The following DYNC1I1 variants were observed in gnomAD, a reference collection of about 807,000 sequenced individuals.
DYNC1I1 encodes the protein cytoplasmic dynein 1 intermediate chain 1.
In DYNC1I1, 43 loss-of-function variants were observed where a neutral mutation model predicts 86.6. The ratio of observed to expected loss-of-function variants is 0.50; its 90% CI spans 0.39 to 0.64. DYNC1I1 has a LOEUF of 0.64. Ranked by LOEUF, DYNC1I1 falls within the 30% of genes least tolerant of loss-of-function variation. DYNC1I1 has a pLI of 0.00. For synonymous variants in DYNC1I1, 262 were observed against 283.7 expected (o/e 0.92, Z 0.77); for missense variants, 604 against 788.8 (o/e 0.77, Z 2.81).
chr7:95,818,134 G>A (rs899943808), intron 4 of DYNC1I1, among the ~76,000 whole-genome samples: 27 of 151,852 alleles, frequency 1.8e-4, no homozygotes, highest in African/African-American at 6.3e-4. Context: ...AAAATAGTCC[G>A]AAGGGGAGAT....
At chr7:96,108,877 A>G (rs1373908818) in intron 16 of DYNC1I1, among the ~76,000 whole-genome samples, 1 of 151,418 alleles carries the variant, frequency 6.6e-6, no homozygotes, top group African/African-American at 2.4e-5. Context: ...AAAAAAAAAA[A>G]GATTTTTAAG....
chr7:95,833,380 G>A (rs1051107015), intron 5 of DYNC1I1, among the ~76,000 whole-genome samples: 1 of 150,306 alleles, frequency 6.7e-6, no homozygotes, highest in Admixed American at 6.6e-5. Flanking sequence ...TAGCCTTGTA[G>A]TATAGTTTGA....
intron 16 of DYNC1I1, among the ~76,000 whole-genome samples, chr7:96,089,978 C>T (rs1790793236): frequency 6.6e-6 from 1 of 152,054 alleles, no homozygotes; most frequent in Non-Finnish European, 1.5e-5. Context: ...TTGCTTTTTC[C>T]TACCATTTTC....
intron 5 of DYNC1I1, among the ~76,000 whole-genome samples, chr7:95,835,611 C>G (rs890787405): frequency 1.3e-5 from 2 of 151,968 alleles, no homozygotes; most frequent in African/African-American, 4.8e-5. Context: ...GAGTCTAAGT[C>G]TCTTTGTAGG....
rs574678503 is a variant in DYNC1I1, at chr7:95,842,196, C to T, written c.374+14080C>T. Among the ~76,000 whole-genome samples, 10 of 152,214 alleles carry T rather than the reference C, an allele frequency of 6.6e-5. No individual in the cohort carries two copies. The East Asian group carries it at 7.7e-4, about 12-fold the overall frequency. On this transcript the variant is annotated intron_variant, in intron 5 of 16. Coordinates refer to ENST00000447467, the MANE Select transcript of DYNC1I1 (RefSeq NM_001135556.2). ...GTTGCACCCGAGCGAGTTAGGGAAA[C>T]GCCACATTTGAGACAAATTAAGAGT...
chr7:95,929,975 GA>G (rs879702188), intron 6 of DYNC1I1, among the ~76,000 whole-genome samples: 1 of 152,176 alleles, frequency 6.6e-6, no homozygotes, highest in Non-Finnish European at 1.5e-5. Context: ...TGGCTCTTAA[GA>G]AATATTTCCC....
At chr7:95,929,094 G>A (rs1407759913) in intron 6 of DYNC1I1, among the ~76,000 whole-genome samples, 1 of 152,140 alleles carries the variant, frequency 6.6e-6, no homozygotes, top group Non-Finnish European at 1.5e-5. Flanking sequence ...GCATAAAGAT[G>A]AGCATGTTTT....
chr7:95,942,777 G>T (rs1393485922), intron 6 of DYNC1I1, among the ~76,000 whole-genome samples: 1 of 144,894 alleles, frequency 6.9e-6, no homozygotes, highest in Non-Finnish European at 1.5e-5. Flanking sequence ...AAAACCACAT[G>T]ATTATCTCAA....
At chr7:96,108,569 T>C (rs1192462419) in intron 16 of DYNC1I1, among the ~76,000 whole-genome samples, 1 of 152,054 alleles carries the variant, frequency 6.6e-6, no homozygotes, top group Non-Finnish European at 1.5e-5. Flanking sequence ...CTTGGATTTT[T>C]CTCTGGGGTA....
chr7:96,029,544 C>A (rs931750539), intron 11 of DYNC1I1, among the ~76,000 whole-genome samples: 1 of 152,128 alleles, frequency 6.6e-6, no homozygotes, highest in East Asian at 1.9e-4. Flanking sequence ...ATTAACATTT[C>A]TTTTGTGAGT....
chr7:96,100,650 T>TTGTGTGTGTGTGTGTGTGTG (rs57129262), downstream of DYNC1I1, among the ~76,000 whole-genome samples: 6,901 of 142,770 alleles, frequency 0.048, 242 homozygotes, highest in Non-Finnish European at 0.071. Context: ...TTTGAGGGTT[T>TTGTGTGTGTGTGTGTGTGTG]TGTGTGTGTG....
chr7:96,100,161 A>G (rs1791105926), downstream of DYNC1I1, among the ~76,000 whole-genome samples: 1 of 152,208 alleles, frequency 6.6e-6, no homozygotes. Context: ...CTTGCCAGCC[A>G]AGACTAAGTA....
chr7:96,100,650 T>TTTTGTGTGTGTGTGTGTGTGTG (rs376786905), downstream of DYNC1I1, among the ~76,000 whole-genome samples: 2 of 142,848 alleles, frequency 1.4e-5, no homozygotes, highest in South Asian at 2.4e-4. Flanking sequence ...TTTGAGGGTT[T>TTTTGTGTGTGTGTGTGTGTGTG]TGTGTGTGTG....
rs1584162065 is a variant in DYNC1I1, at chr7:95,921,726, A to T, written c.490+51728A>T. On this transcript the variant is annotated intron_variant, in intron 6 of 16. Transcript: ENST00000447467. ...CAGTGACTCATGAGACTATCACACA[A>T]CTCATGATGAATATGTCGTTTTCCT... Among the ~76,000 whole-genome samples the T allele has an allele frequency of 2.0e-5, 3 of 152,098 alleles. No individual in the cohort carries two copies. The South Asian group carries it at 6.2e-4, about 32-fold the overall frequency.
At position 96,050,029 on chromosome 7, in the gene DYNC1I1, ACAAACAAAC is replaced by A. The variant is rs1789353181; in HGVS notation, c.1509+10609_1509+10617del. 1.0e-4 allele frequency among the ~76,000 whole-genome samples: 15 copies of A among 147,854 alleles called. 1 individual carries two copies. The highest frequency in any genetic ancestry group is 3.5e-4 in the African/African-American group (14 of 40,108). ...AGAGAGAGACTCCATCTCAAAAAAA[ACAAACAAAC>A]AAAAAAAAAAACAGTATAGCTCAAA... is the stretch of plus-strand genomic sequence containing the variant. On this transcript the variant is annotated intron_variant, in intron 14 of 16. Transcript: ENST00000447467.
At chr7:95,849,994 TG>T (rs1789534528) in intron 5 of DYNC1I1, among the ~76,000 whole-genome samples, 1 of 152,194 alleles carries the variant, frequency 6.6e-6, no homozygotes, top group East Asian at 1.9e-4. Context: ...ATTGTTTTCT[TG>T]ATTTTTTACT....
intron 3 of DYNC1I1, among the ~76,000 whole-genome samples, chr7:95,811,595 A>G (rs562913323): frequency 3.9e-5 from 6 of 152,274 alleles, no homozygotes; most frequent in African/African-American, 1.4e-4. Flanking sequence ...AAACTAAAAC[A>G]CTATTAAAAA....
At chr7:96,048,465 T>C (rs769970536) in intron 14 of DYNC1I1, among the ~76,000 whole-genome samples, 31 of 152,154 alleles carry the variant, frequency 2.0e-4, no homozygotes, top group Admixed American at 3.3e-4. Context: ...CTGGGGCTTA[T>C]TAGAGATGCA....
At chr7:95,977,635 T>C in intron 7 of DYNC1I1, 34 bp downstream of exon 7, 1 of 1,592,224 alleles carries the variant, frequency 6.3e-7, no homozygotes, top group Non-Finnish European at 8.6e-7. Context: ...GTAATCATTT[T>C]ATTGTTTTGT....
Sources: allele counts gnomAD v4.1 joint callset (sites outside exome capture counted in the v4.1 genomes callset), GRCh38; gene constraint gnomAD v4.1.1; transcripts MANE v1.5; gene names NCBI Gene and HGNC (gene_info 2026-07-23, HGNC 2026-07-21).